Variants in CX3CR1 observed in about 807,000 individuals in gnomAD.
CX3CR1 encodes C-X3-C motif chemokine receptor 1.
For synonymous variants in CX3CR1, 168 were observed against 178.5 expected, an observed-to-expected ratio of 0.94 and a Z score of 0.47; for missense variants, 363 against 432.4, an observed-to-expected ratio of 0.84 and a Z score of 1.42.
upstream of CX3CR1, chr3:39,281,001 C>CA: frequency 1.2e-6 from 1 of 820,224 alleles, no homozygotes; most frequent in Non-Finnish European, 1.5e-6. Flanking sequence ...CCCCTCTGGC[C>CA]CCTTGCTGCC....
intron 1 of CX3CR1, among the ~76,000 whole-genome samples, chr3:39,272,769 T>C (rs1285139334): frequency 6.6e-6 from 1 of 152,214 alleles, no homozygotes; most frequent in Admixed American, 6.5e-5. Context: ...AGAGAATTGC[T>C]TGAGGAGCCC....
At chr3:39,269,554 C>G (rs1294806430) in intron 1 of CX3CR1, among the ~76,000 whole-genome samples, 1 of 152,306 alleles carries the variant, frequency 6.6e-6, no homozygotes, top group South Asian at 2.1e-4. Context: ...AGATGGGATG[C>G]AAATTCAGAT....
At chr3:39,266,572 G>A (rs2040703947) in intron 1 of CX3CR1, 54 bp from the exon 2 acceptor site, 6 of 1,575,174 alleles carry the variant, frequency 3.8e-6, no homozygotes, top group Admixed American at 1.7e-5. Flanking sequence ...AAACAAAGTT[G>A]GAATTCTGTG....
upstream of CX3CR1, among the ~76,000 whole-genome samples, chr3:39,282,871 C>T (rs191913346): frequency 1.8e-4 from 28 of 152,200 alleles, no homozygotes; most frequent in Non-Finnish European, 3.1e-4. Flanking sequence ...CCCAGTGACC[C>T]TATGATGCAG....
upstream of CX3CR1, among the ~76,000 whole-genome samples, chr3:39,285,295 A>C (rs1043436527): frequency 5.3e-5 from 8 of 151,916 alleles, no homozygotes; most frequent in Non-Finnish European, 1.0e-4. Flanking sequence ...TGGGAGGATC[A>C]CTTGAGCCCA....
At chr3:39,280,978 G>T, upstream of CX3CR1, 3 of 561,610 alleles carry the variant, frequency 5.3e-6, no homozygotes, top group Non-Finnish European at 6.8e-6. Context: ...AATGGTCTGT[G>T]ACCCCTTCAA....
intron 1 of CX3CR1, among the ~76,000 whole-genome samples, chr3:39,272,732 A>T (rs55671009): frequency 0.011 from 1,640 of 152,164 alleles, 23 homozygotes; most frequent in African/African-American, 0.038. Flanking sequence ...GTGAGGCTTA[A>T]TTTTTTTCTT....
chr3:39,264,783 A>G lies in CX3CR1; in HGVS notation c.*659T>C, dbSNP rs889145051. The G allele has an allele frequency of 2.6e-5, 4 of 152,312 alleles. No homozygotes were observed. The highest frequency in any genetic ancestry group is 6.5e-5 in the Admixed American group (1 of 15,282). 9.4% of individuals were successfully genotyped at this position (152,312 alleles called of 1,614,324 possible). ...TGTGGCATTTGTTTTGTGTAATCAG[A>G]ATAGTACCCACCCATCCAACTTCTT... is the stretch of plus-strand genomic sequence containing the variant. On this transcript the variant is annotated 3_prime_UTR_variant, in exon 2 of 2. Transcript: ENST00000399220.
chr3:39,288,851 G>A, the CX3CR1 span, among the ~76,000 whole-genome samples: 87 of 152,292 alleles, frequency 5.7e-4, 3 homozygotes, highest in African/African-American at 2.0e-3. Flanking sequence ...ATTTCTCTAA[G>A]CCTGAATTTC....
chr3:39,289,130 G>C, the CX3CR1 span, among the ~76,000 whole-genome samples: 1 of 152,038 alleles, frequency 6.6e-6, no homozygotes, highest in South Asian at 2.1e-4. Flanking sequence ...CTCCAGCCTG[G>C]GCAATGAGTG....
Position 39,279,928 on chromosome 3 carries a change from GTACCCAAC to G in CX3CR1, c.-10+18_-10+25del, listed in dbSNP as rs2040877374. On this transcript the variant is annotated intron_variant, in intron 1 of 1. Coordinates refer to ENST00000399220, the MANE Select transcript of CX3CR1 (RefSeq NM_001337.4). ...GTCCACTGCTCCACCCCACCCACAG[GTACCCAAC>G]TAGTCCTGTGCACCTACCTGGCGTG... 1 of 977,262 alleles carries G rather than the reference GTACCCAAC, an allele frequency of 1.0e-6. No individual in the cohort carries two copies. The highest frequency in any genetic ancestry group is 1.2e-6 in the Non-Finnish European group (1 of 822,548). 60.5% of individuals were successfully genotyped at this position (977,262 alleles called of 1,614,324 possible).
intron 1 of CX3CR1, among the ~76,000 whole-genome samples, chr3:39,272,602 G>A (rs1182240122): frequency 6.6e-6 from 1 of 152,094 alleles, no homozygotes; most frequent in Admixed American, 6.5e-5. Flanking sequence ...TTCACATCCA[G>A]CTTACTGTTT....
rs771207991 is a variant in CX3CR1 at position 39,266,127 on chromosome 3, T to A, written c.383A>T (p.Tyr128Phe). The A allele has an allele frequency of 1.2e-6, 2 of 1,614,184 alleles. No homozygotes were observed. Among genetic ancestry groups the A allele is most frequent in the Non-Finnish European group, 1.7e-6 (2 of 1,180,036 alleles). The stretch of plus-strand genomic sequence containing the variant: ...GTTGGCGGCCAGGACGATGGCCAGG[T>A]ACCTATCAATGCTGATGACGGTGAT... ...FFITVISIDR[Y>F]LAIVLAANSM... is the part of the protein sequence containing the mutation. Residue 128 changes from tyrosine to phenylalanine, a missense_variant, in exon 2 of 2, where the codon TAC (tyrosine) becomes TTC (phenylalanine). Physicochemically the swap from Tyr to Phe is conservative, Grantham distance 22. Coordinates refer to ENST00000399220, the MANE Select transcript of CX3CR1 (RefSeq NM_001337.4).
At chr3:39,277,070 A>G (rs2040848062) in intron 1 of CX3CR1, among the ~76,000 whole-genome samples, 1 of 152,228 alleles carries the variant, frequency 6.6e-6, no homozygotes, top group Non-Finnish European at 1.5e-5. Flanking sequence ...CACACTGAAA[A>G]GAGACTTTCC....
Position 39,265,382 on chromosome 3 carries a change from AG to A in CX3CR1, c.*59del. 6.7e-7 allele frequency: 1 copy of A among 1,498,006 alleles called. No homozygotes were observed. The highest frequency in any genetic ancestry group is 1.3e-5 in the South Asian group (1 of 74,968). The allele number at this position is 1,498,006 out of a possible 1,614,324, so 92.8% of individuals were successfully genotyped here. ...ATAACAACAAAAATCTTTCCTCACT[AG>A]TCAGCATCAGGTTCAGGAACTCCAG... On this transcript the variant is annotated 3_prime_UTR_variant, in exon 2 of 2. Coordinates refer to ENST00000399220, the MANE Select transcript of CX3CR1 (RefSeq NM_001337.4).
chr3:39,270,449 G>A (rs2040762638), intron 1 of CX3CR1, among the ~76,000 whole-genome samples: 1 of 152,178 alleles, frequency 6.6e-6, no homozygotes. Context: ...GGAATACCAA[G>A]CAGCTGCTTA....
chr3:39,289,809 C>T, the CX3CR1 span, among the ~76,000 whole-genome samples: 4 of 152,098 alleles, frequency 2.6e-5, no homozygotes, highest in African/African-American at 7.2e-5. Flanking sequence ...GAGAGAGACA[C>T]CAGGGATGTA....
upstream of CX3CR1, among the ~76,000 whole-genome samples, chr3:39,280,801 C>A (rs547850041): frequency 1.3e-5 from 2 of 152,354 alleles, no homozygotes; most frequent in South Asian, 4.1e-4. Context: ...TGCTTCTGCT[C>A]CCTGGCCTGG....
At chr3:39,283,263 C>A (rs536822323), upstream of CX3CR1, among the ~76,000 whole-genome samples, 5 of 152,164 alleles carry the variant, frequency 3.3e-5, no homozygotes, top group African/African-American at 9.6e-5. Context: ...GTAACTTGTA[C>A]AAGACCACAC....
Sources: gnomAD v4.1 joint callset for allele counts (sites outside exome capture counted in the v4.1 genomes callset) on GRCh38, gnomAD v4.1.1 for gene constraint, MANE v1.5 for transcripts, NCBI Gene and HGNC (gene_info 2026-07-23, HGNC 2026-07-21) for gene names.